Variants in EXT1 observed in about 807,000 individuals in gnomAD.
The protein encoded by EXT1 is exostosin-1.
EXT1 carries 20 observed loss-of-function variants against 82.5 expected under a neutral mutation model. The ratio of observed to expected loss-of-function variants is 0.24; its 90% CI spans 0.17 to 0.35. EXT1 has a LOEUF of 0.35. EXT1 is among the 10% of genes least tolerant of loss of function. The pLI is 1.00. For missense variants in EXT1, 757 were observed against 936.5 expected, an observed-to-expected ratio of 0.81 and a Z score of 2.50; for synonymous variants, 348 against 350.8, an observed-to-expected ratio of 0.99 and a Z score of 0.09.
chr8:118,087,138 G>A (rs891536645), intron 1 of EXT1, among the ~76,000 whole-genome samples: 2 of 152,162 alleles, frequency 1.3e-5, no homozygotes, highest in East Asian at 1.9e-4. Flanking sequence ...TTGGGAACAG[G>A]AGCCCCTAGG....
intron 1 of EXT1, among the ~76,000 whole-genome samples, chr8:117,986,187 C>CTT (rs1160370973): frequency 1.6e-3 from 100 of 63,448 alleles, no homozygotes; most frequent in African/African-American, 6.3e-3. Context: ...CTATTCTTTT[C>CTT]TTTTTTTTTT....
Position 117,983,497 on chromosome 8 carries a change from A to T in EXT1, c.962+126588T>A, listed in dbSNP as rs144765061. ...ATATCTTTTCTTAAATAATATTTTTAAAAAAAGAGAGAAAATCCAAATGGC... is the reference window on the plus strand; with the variant it reads ...ATATCTTTTCTTAAATAATATTTTTTAAAAAAGAGAGAAAATCCAAATGGC... On this transcript the variant is annotated intron_variant, in intron 1 of 10. Coordinates refer to ENST00000378204, the MANE Select transcript of EXT1 (RefSeq NM_000127.3). 4.0e-3 allele frequency among the ~76,000 whole-genome samples: 606 copies of T among 152,208 alleles called. 4 individuals are homozygous for T. The highest frequency in any genetic ancestry group is 0.012 in the African/African-American group (508 of 41,530).
chr8:117,876,856 T>C (rs1015668724), intron 1 of EXT1, among the ~76,000 whole-genome samples: 1 of 152,154 alleles, frequency 6.6e-6, no homozygotes, highest in Non-Finnish European at 1.5e-5. Context: ...TTCTAAGGTA[T>C]TAGAACTACA....
intron 1 of EXT1, among the ~76,000 whole-genome samples, chr8:117,898,823 G>GAAA (rs60372493): frequency 1.4e-5 from 2 of 141,512 alleles, no homozygotes; most frequent in African/African-American, 5.1e-5. Context: ...CAGACGGCAG[G>GAAA]AAAAAAAAAA....
chr8:117,876,805 A>G (rs1812979629), intron 1 of EXT1, among the ~76,000 whole-genome samples: 1 of 152,168 alleles, frequency 6.6e-6, no homozygotes, highest in African/African-American at 2.4e-5. Context: ...TCATTCTTCC[A>G]CAGATATTTA....
At chr8:118,076,640 C>T (rs1817217524) in intron 1 of EXT1, among the ~76,000 whole-genome samples, 1 of 152,238 alleles carries the variant, frequency 6.6e-6, no homozygotes, top group Admixed American at 6.5e-5. Flanking sequence ...CACAAGTGCT[C>T]ACACTGTCAG....
At chr8:117,969,158 A>G (rs1295647668) in intron 1 of EXT1, among the ~76,000 whole-genome samples, 1 of 152,228 alleles carries the variant, frequency 6.6e-6, no homozygotes, top group East Asian at 1.9e-4. Context: ...AAGCCCCATT[A>G]TTTGGAATCC....
chr8:118,073,687 G>GAGAAA (rs1817148146), intron 1 of EXT1, among the ~76,000 whole-genome samples: 3 of 146,874 alleles, frequency 2.0e-5, no homozygotes, highest in Middle Eastern at 3.5e-3. Flanking sequence ...GAGAAGAGAA[G>GAGAAA]AGAAGAGAAG....
At chr8:117,867,311 A>G (rs1200801742) in intron 1 of EXT1, among the ~76,000 whole-genome samples, 3 of 151,098 alleles carry the variant, frequency 2.0e-5, no homozygotes, top group African/African-American at 7.3e-5. Flanking sequence ...ATGAGTGGGG[A>G]AGAGATGCTA....
chr8:118,000,095 G>A (rs1815630336), intron 1 of EXT1, among the ~76,000 whole-genome samples: 1 of 152,062 alleles, frequency 6.6e-6, no homozygotes, highest in African/African-American at 2.4e-5. Flanking sequence ...AAGCCCATGC[G>A]AGGTAAACTG....
At chr8:117,819,600 A>C (rs1586996516) in intron 6 of EXT1, 76 bp downstream of exon 6, 5 of 1,263,730 alleles carry the variant, frequency 4.0e-6, no homozygotes, top group African/African-American at 2.9e-5. Context: ...AGCCCGGGGG[A>C]TAACAGGTAA....
chr8:117,986,087 T>TA (rs1371833216), intron 1 of EXT1, among the ~76,000 whole-genome samples: 4 of 152,160 alleles, frequency 2.6e-5, no homozygotes, highest in African/African-American at 7.2e-5. Flanking sequence ...ATAGAGTTAC[T>TA]AAAAATTTTA....
intron 8 of EXT1, among the ~76,000 whole-genome samples, chr8:117,810,787 C>A (rs1044951133): frequency 2.6e-5 from 4 of 152,166 alleles, no homozygotes; most frequent in Admixed American, 6.5e-5. Context: ...AGATAATGGA[C>A]CCCTATGGAC....
intron 1 of EXT1, among the ~76,000 whole-genome samples, chr8:117,941,989 A>G (rs1315896166): frequency 6.6e-6 from 1 of 152,210 alleles, no homozygotes; most frequent in Non-Finnish European, 1.5e-5. Context: ...CAGATGGGAC[A>G]ACTGAGGATC....
intron 1 of EXT1, among the ~76,000 whole-genome samples, chr8:117,962,886 G>A (rs1563614387): frequency 1.3e-5 from 2 of 151,834 alleles, no homozygotes; most frequent in Admixed American, 1.3e-4. Flanking sequence ...TAATTGCACT[G>A]CTGCACTCCA....
At chr8:118,006,058 G>A (rs1311605502) in intron 1 of EXT1, among the ~76,000 whole-genome samples, 1 of 152,210 alleles carries the variant, frequency 6.6e-6, no homozygotes. Flanking sequence ...TTATAAAGCT[G>A]TTAAATCCTC....
chr8:117,838,447 A>G (rs1306159477), intron 1 of EXT1, among the ~76,000 whole-genome samples: 2 of 152,202 alleles, frequency 1.3e-5, no homozygotes, highest in Non-Finnish European at 2.9e-5. Context: ...CATTAAGAAG[A>G]GACATCATGC....
intron 1 of EXT1, among the ~76,000 whole-genome samples, chr8:117,965,947 AG>A (rs1321535246): frequency 2.6e-5 from 4 of 152,114 alleles, no homozygotes; most frequent in African/African-American, 9.7e-5. Flanking sequence ...TTTTTCATCA[AG>A]GGCATGTCCA....
chr8:117,934,049 C>T (rs1814111954), intron 1 of EXT1, among the ~76,000 whole-genome samples: 1 of 152,076 alleles, frequency 6.6e-6, no homozygotes, highest in Non-Finnish European at 1.5e-5. Context: ...TCTCTCCCAA[C>T]CACAGGAACA....
Sources: gnomAD v4.1 joint callset for allele counts (sites outside exome capture counted in the v4.1 genomes callset) on GRCh38, gnomAD v4.1.1 for gene constraint, MANE v1.5 for transcripts, NCBI Gene and HGNC (gene_info 2026-07-23, HGNC 2026-07-21) for gene names.